Variants in PDZRN3 observed in about 807,000 individuals in gnomAD.
PDZRN3 encodes E3 ubiquitin-protein ligase PDZRN3.
PDZRN3 carries 38 observed loss-of-function variants against 85.7 expected under a neutral mutation model. That is an observed-to-expected ratio of 0.44 (90% confidence interval 0.34 to 0.58). The LOEUF (loss-of-function observed/expected upper bound fraction) is 0.58, where lower values mean the gene tolerates loss of function less well. Ranked by LOEUF, PDZRN3 falls within the 20% of genes least tolerant of loss-of-function variation. The probability of loss-of-function intolerance (pLI) is 0.01; values close to 1 mark genes in which losing one functional copy is unlikely to be tolerated. For synonymous variants in PDZRN3, 759 were observed against 638.0 expected (o/e 1.19, Z -2.86); for missense variants, 1,629 against 1,506.4 (o/e 1.08, Z -1.35).
intron 3 of PDZRN3, among the ~76,000 whole-genome samples, chr3:73,560,662 A>G (rs961630387): frequency 2.6e-5 from 4 of 152,210 alleles, no homozygotes; most frequent in African/African-American, 9.7e-5. Context: ...TCCCATATTC[A>G]TGGGATGGAA....
At chr3:73,459,134 G>A (rs1703050530) in intron 3 of PDZRN3, among the ~76,000 whole-genome samples, 1 of 152,126 alleles carries the variant, frequency 6.6e-6, no homozygotes, top group Non-Finnish European at 1.5e-5. Context: ...GAGAATGAGT[G>A]CCAGCAAGGG....
chr3:73,534,005 T>C (rs1704720826), intron 3 of PDZRN3, among the ~76,000 whole-genome samples: 1 of 152,198 alleles, frequency 6.6e-6, no homozygotes, highest in South Asian at 2.1e-4. Context: ...GCAGTTATTA[T>C]TTTCTATTTA....
chr3:73,471,471 T>C (rs1008376206), intron 3 of PDZRN3, among the ~76,000 whole-genome samples: 5 of 152,208 alleles, frequency 3.3e-5, no homozygotes, highest in Admixed American at 2.0e-4. Flanking sequence ...TAAATTAATC[T>C]AGGGGCTTCT....
rs1703335239 is a variant in PDZRN3 at position 73,384,017 on chromosome 3, GTGGGGCTCCGGCTCCCGTCGC to G, written c.2528_2548del (p.Ser843_Pro849del). ...GGCGCTGCCCAGCTTCTGGCTGGGC[GTGGGGCTCCGGCTCCCGTCGC>G]TGGCTCTCCGCTCTTTGCTTTCCAG... On this transcript the variant is annotated inframe_deletion, in exon 10 of 10. Coordinates refer to ENST00000263666, the MANE Select transcript of PDZRN3 (RefSeq NM_015009.3). The G allele has an allele frequency of 6.3e-7, 1 of 1,591,420 alleles. No homozygotes were observed. Among genetic ancestry groups the G allele is most frequent in the African/African-American group, 1.3e-5 (1 of 74,394 alleles).
At chr3:73,601,900 A>G (rs1278409581) in intron 3 of PDZRN3, among the ~76,000 whole-genome samples, 2 of 152,118 alleles carry the variant, frequency 1.3e-5, no homozygotes, top group Non-Finnish European at 2.9e-5. Flanking sequence ...ACAAACTAAC[A>G]GAGAGAACAA....
chr3:73,618,293 G>C (rs1350208798), intron 1 of PDZRN3, among the ~76,000 whole-genome samples: 1 of 152,138 alleles, frequency 6.6e-6, no homozygotes, highest in Admixed American at 6.5e-5. Flanking sequence ...AATCCAAACA[G>C]TACTTGGCAT....
intron 3 of PDZRN3, among the ~76,000 whole-genome samples, chr3:73,558,538 AG>A (rs1701749187): frequency 6.6e-6 from 1 of 152,236 alleles, no homozygotes; most frequent in Admixed American, 6.5e-5. Flanking sequence ...CAAGAGACAC[AG>A]CCACTCAGAC....
chr3:73,587,640 A>T (rs1455308994), intron 3 of PDZRN3, among the ~76,000 whole-genome samples: 2 of 152,190 alleles, frequency 1.3e-5, no homozygotes, highest in Non-Finnish European at 2.9e-5. Flanking sequence ...CTTCCTCTCT[A>T]TAGTGGATTC....
At chr3:73,400,884 T>C (rs1457407234) in intron 5 of PDZRN3, 38 bp downstream of exon 5, 3 of 1,393,504 alleles carry the variant, frequency 2.2e-6, no homozygotes, top group East Asian at 2.3e-5. Context: ...GTGTTCTTAA[T>C]AATGACTCCT....
At chr3:73,520,019 TC>T (rs1295194674) in intron 3 of PDZRN3, among the ~76,000 whole-genome samples, 2 of 152,012 alleles carry the variant, frequency 1.3e-5, no homozygotes, top group Non-Finnish European at 2.9e-5. Flanking sequence ...AAAACCTGCA[TC>T]CCATCCATAC....
intron 3 of PDZRN3, among the ~76,000 whole-genome samples, chr3:73,405,478 A>G (rs775099217): frequency 5.3e-5 from 8 of 152,202 alleles, no homozygotes; most frequent in Non-Finnish European, 7.3e-5. Context: ...AGGCTCCACA[A>G]TATTTTAATA....
chr3:73,570,399 CA>C (rs1702028425), intron 3 of PDZRN3, among the ~76,000 whole-genome samples: 1 of 152,074 alleles, frequency 6.6e-6, no homozygotes, highest in Non-Finnish European at 1.5e-5. Context: ...TTGTACTGGC[CA>C]AAAAGTAAAG....
At chr3:73,622,943 C>G (rs995513905) in intron 1 of PDZRN3, among the ~76,000 whole-genome samples, 3 of 152,158 alleles carry the variant, frequency 2.0e-5, no homozygotes, top group African/African-American at 7.2e-5. Context: ...CGCAAAGGTT[C>G]AACATGCAGC....
At chr3:73,614,306 T>C (rs1702729423) in intron 1 of PDZRN3, among the ~76,000 whole-genome samples, 1 of 152,162 alleles carries the variant, frequency 6.6e-6, no homozygotes, top group Admixed American at 6.5e-5. Context: ...CAAAGTCCCT[T>C]TTCTCTTTAG....
intron 1 of PDZRN3, among the ~76,000 whole-genome samples, chr3:73,611,213 AG>A (rs1317970532): frequency 6.6e-6 from 1 of 152,216 alleles, no homozygotes; most frequent in Non-Finnish European, 1.5e-5. Context: ...AACTTATCAA[AG>A]GAAGGCTTAC....
chr3:73,544,470 T>C (rs1701372035), intron 3 of PDZRN3, among the ~76,000 whole-genome samples: 1 of 150,242 alleles, frequency 6.7e-6, no homozygotes, highest in Non-Finnish European at 1.5e-5. Flanking sequence ...ATAAAAATAA[T>C]TTAAGGTATG....
At position 73,624,543 on chromosome 3, in the gene PDZRN3, G is replaced by C. The variant is rs754245605; in HGVS notation, c.283C>G (p.Leu95Val). The C allele has an allele frequency of 6.6e-7, 1 of 1,506,624 alleles. No homozygotes were observed. Among genetic ancestry groups the C allele is most frequent in the Admixed American group, 2.2e-5 (1 of 44,794 alleles). 93.3% of individuals were successfully genotyped at this position (1,506,624 alleles called of 1,614,324 possible). ...ATRGCGRVVK[L>V]QQLPEHLERC... is the part of the protein sequence containing the mutation. Reference sequence around the variant, plus strand: ...TCGAGGTGCTCCGGCAGCTGCTGCAGCTTGACCACCCGGCCGCAGCCGCGC... The same window carrying C: ...TCGAGGTGCTCCGGCAGCTGCTGCACCTTGACCACCCGGCCGCAGCCGCGC... The change falls in exon 1 of 10, where the codon CTG (leucine) becomes GTG (valine). Residue 95 changes from leucine to valine, a missense_variant. Physicochemically the swap from Leu to Val is conservative, Grantham distance 32. Coordinates refer to ENST00000263666, the MANE Select transcript of PDZRN3 (RefSeq NM_015009.3).
At chr3:73,547,212 T>C (rs1246735810) in intron 3 of PDZRN3, among the ~76,000 whole-genome samples, 1 of 152,222 alleles carries the variant, frequency 6.6e-6, no homozygotes, top group Non-Finnish European at 1.5e-5. Context: ...GGAAACAGGT[T>C]GACTCATTTC....
intron 3 of PDZRN3, among the ~76,000 whole-genome samples, chr3:73,532,724 G>A (rs953769971): frequency 6.6e-6 from 1 of 152,184 alleles, no homozygotes; most frequent in African/African-American, 2.4e-5. Context: ...TGACCTCGCA[G>A]AAAGAGCATG....
Sources: allele counts gnomAD v4.1 joint callset (sites outside exome capture counted in the v4.1 genomes callset), GRCh38; gene constraint gnomAD v4.1.1; transcripts MANE v1.5; gene names NCBI Gene and HGNC (gene_info 2026-07-23, HGNC 2026-07-21).